The following SPARC variants were observed in gnomAD, a reference collection of about 807,000 sequenced individuals.
SPARC encodes basement-membrane protein 40.
A neutral mutation model predicts 37.7 loss-of-function variants in SPARC; 23 were observed. The observed-to-expected ratio is 0.61, with a 90% CI of 0.44 to 0.87. The LOEUF (loss-of-function observed/expected upper bound fraction) is 0.87. Among genes scored for constraint, SPARC ranks in the 40% least tolerant of loss-of-function variants. The pLI is 0.00. For missense variants in SPARC, 312 were observed against 389.0 expected, an observed-to-expected ratio of 0.80 and a Z score of 1.66; for synonymous variants, 155 against 150.8, an observed-to-expected ratio of 1.03 and a Z score of -0.20.
intron 8 of SPARC, among the ~76,000 whole-genome samples, chr5:151,665,112 A>C (rs180945873): frequency 6.6e-6 from 1 of 152,106 alleles, no homozygotes; most frequent in African/African-American, 2.4e-5. Flanking sequence ...CTGGTGGAAA[A>C]CTGAGGCCCA....
intron 8 of SPARC, among the ~76,000 whole-genome samples, chr5:151,664,697 G>C (rs1457744774): frequency 6.6e-6 from 1 of 152,084 alleles, no homozygotes; most frequent in Non-Finnish European, 1.5e-5. Context: ...CCTAGTAAAG[G>C]GTCTAAAAAT....
At chr5:151,679,457 C>T (rs1760935884) in intron 1 of SPARC, 1 of 152,268 alleles carries the variant, frequency 6.6e-6, no homozygotes, top group East Asian at 1.9e-4. Context: ...CAGGTGGTCA[C>T]CTGAATGGGG....
rs1402593319 is a variant in SPARC, at chr5:151,673,153, T to C, written c.184A>G (p.Thr62Ala). ...CTTTCCGCCACCACCTCCTCTTCGGTTTCCTCTGCACCATCATCAAATTCT... is the reference window on the plus strand; with the variant it reads ...CTTTCCGCCACCACCTCCTCTTCGGCTTCCTCTGCACCATCATCAAATTCT... ...VGEFDDGAEE[T>A]EEEVVAENPC... Residue 62 changes from threonine to alanine, a missense_variant, in exon 4 of 10, where the codon ACC becomes GCC. Physicochemically the swap from Thr to Ala is moderately conservative, Grantham distance 58. Coordinates refer to ENST00000231061, the MANE Select transcript of SPARC (RefSeq NM_003118.4). 6.2e-7 allele frequency: 1 copy of C among 1,613,938 alleles called. No homozygotes were observed. The highest frequency in any genetic ancestry group is 8.5e-7 in the Non-Finnish European group (1 of 1,179,840).
At position 151,661,444 on chromosome 5, in the gene SPARC, C is replaced by G. The variant is rs1432077351; in HGVS notation, c.*2127G>C. 1 of 152,192 alleles carries G rather than the reference C, an allele frequency of 6.6e-6. No individual in the cohort carries two copies. The highest frequency in any genetic ancestry group is 1.5e-5 in the Non-Finnish European group (1 of 68,034). 9.4% of individuals were successfully genotyped at this position (152,192 alleles called of 1,614,324 possible). On this transcript the variant is annotated 3_prime_UTR_variant, in exon 10 of 10. Transcript: ENST00000231061. ...CTGTGTAGAAGAGAACACCAGAATA[C>G]AGTTTGATTTTTTAGGAGCTTTTAT...
At chr5:151,663,967 A>T (rs1760568315) in intron 9 of SPARC, 120 bp downstream of exon 9, 2 of 1,193,166 alleles carry the variant, frequency 1.7e-6, no homozygotes, top group Non-Finnish European at 2.4e-6. Context: ...GAGAGCAGAG[A>T]CAGGCAGAGA....
rs903727751 is a variant in SPARC at position 151,663,942 on chromosome 5, A to T, written c.883+145T>A. ...ATCAGGAAGACGCCCAAGAGACAGG[A>T]GTCAAATAGGCAGAGAGAGCAGAGA... On this transcript the variant is annotated intron_variant, in intron 9 of 9. Coordinates refer to ENST00000231061, the MANE Select transcript of SPARC (RefSeq NM_003118.4). The T allele has an allele frequency of 4.3e-6, 4 of 927,042 alleles. No homozygotes were observed. The African/African-American group carries it at 6.5e-5, about 15-fold the overall frequency. 57.4% of individuals were successfully genotyped at this position (927,042 alleles called of 1,614,324 possible).
chr5:151,677,391 C>T (rs977973956), intron 1 of SPARC, among the ~76,000 whole-genome samples: 7 of 152,176 alleles, frequency 4.6e-5, no homozygotes, highest in African/African-American at 1.7e-4. Flanking sequence ...TTCCCTCTTT[C>T]TTCTCCCAAA....
intron 1 of SPARC, among the ~76,000 whole-genome samples, chr5:151,685,422 T>TCTCACACACACACA (rs1216324359): frequency 7.1e-5 from 10 of 140,522 alleles, no homozygotes; most frequent in African/African-American, 2.4e-4. Context: ...CCTCTCTCTC[T>TCTCACACACACACA]CACACACACA....
intron 5 of SPARC, among the ~76,000 whole-genome samples, chr5:151,670,161 C>T (rs1438839682): frequency 6.6e-6 from 1 of 152,218 alleles, no homozygotes; most frequent in Non-Finnish European, 1.5e-5. Flanking sequence ...AAAAGGCCTG[C>T]TTGTAAGGTC....
intron 6 of SPARC, among the ~76,000 whole-genome samples, chr5:151,667,872 G>T (rs1056356456): frequency 6.6e-6 from 1 of 152,198 alleles, no homozygotes; most frequent in East Asian, 1.9e-4. Flanking sequence ...CACCTTACTG[G>T]GTGCTGGGCT....
chr5:151,669,052 TGCAGCTGG>T (rs1760689389), intron 6 of SPARC, among the ~76,000 whole-genome samples: 1 of 151,880 alleles, frequency 6.6e-6, no homozygotes, highest in South Asian at 2.1e-4. Flanking sequence ...CCACTGAGTT[TGCAGCTGG>T]GGTCACTAAC....
At chr5:151,670,453 T>A (rs1020733832) in intron 5 of SPARC, among the ~76,000 whole-genome samples, 3 of 152,220 alleles carry the variant, frequency 2.0e-5, no homozygotes, top group Admixed American at 2.0e-4. Context: ...TCTTTGTAGC[T>A]GGGGTAAGAA....
At chr5:151,667,921 C>A (rs887298036) in intron 6 of SPARC, among the ~76,000 whole-genome samples, 6 of 152,140 alleles carry the variant, frequency 3.9e-5, no homozygotes, top group Admixed American at 6.5e-5. Flanking sequence ...CCATGTTGTT[C>A]ACGTCAACCA....
chr5:151,672,918 G>A (rs1380938539), intron 4 of SPARC: 1 of 566,316 alleles, frequency 1.8e-6, no homozygotes, highest in Non-Finnish European at 3.2e-6. Context: ...CACACACATG[G>A]ATGGCCTGGA....
At chr5:151,681,324 G>A (rs1760982316) in intron 1 of SPARC, among the ~76,000 whole-genome samples, 1 of 152,202 alleles carries the variant, frequency 6.6e-6, no homozygotes, top group Non-Finnish European at 1.5e-5. Flanking sequence ...CAGCTCAGAG[G>A]TGGCCTCATG....
At chr5:151,664,014 G>A in intron 9 of SPARC, 73 bp downstream of exon 9, 1 of 1,558,690 alleles carries the variant, frequency 6.4e-7, no homozygotes, top group Non-Finnish European at 8.8e-7. Flanking sequence ...GCGGAGAGTG[G>A]GGGGATGACA....
At chr5:151,674,479 G>T in intron 3 of SPARC, 133 bp downstream of exon 3, 2 of 757,336 alleles carry the variant, frequency 2.6e-6, no homozygotes, top group Non-Finnish European at 2.3e-6. Flanking sequence ...CTCAGGGTTT[G>T]CATCTATGCT....
chr5:151,676,957 A>T (rs1760871425), intron 1 of SPARC: 1 of 152,198 alleles, frequency 6.6e-6, no homozygotes. Context: ...AAGAGACAGC[A>T]CTTCTTTAGG....
chr5:151,663,846 T>C (rs1441099314), intron 9 of SPARC, among the ~76,000 whole-genome samples: 2 of 152,126 alleles, frequency 1.3e-5, no homozygotes, highest in African/African-American at 2.4e-5. Context: ...CCCAAAATAG[T>C]GTTTAGCACG....
Sources: gnomAD v4.1 joint callset for allele counts (sites outside exome capture counted in the v4.1 genomes callset) on GRCh38, gnomAD v4.1.1 for gene constraint, MANE v1.5 for transcripts, NCBI Gene and HGNC (gene_info 2026-07-23, HGNC 2026-07-21) for gene names.